The following PTPRK variants were observed in gnomAD, a reference collection of about 807,000 sequenced individuals.
PTPRK encodes the protein protein tyrosine phosphatase receptor type K, also known as receptor-type tyrosine-protein phosphatase kappa.
Under a neutral mutation model 178.0 loss-of-function variants are expected in PTPRK, and 75 were observed. That is an observed-to-expected ratio of 0.42 (90% CI 0.35 to 0.51). The LOEUF (loss-of-function observed/expected upper bound fraction) is 0.51. Among genes scored for constraint, PTPRK ranks in the 20% least tolerant of loss-of-function variants. PTPRK has a pLI of 0.02. For missense variants in PTPRK, 1,441 were observed against 1,797.8 expected, an observed-to-expected ratio of 0.80 and a Z score of 3.59; for synonymous variants, 637 against 620.6, an observed-to-expected ratio of 1.03 and a Z score of -0.39.
chr6:128,480,249 T>C (rs1178827201), intron 1 of PTPRK, among the ~76,000 whole-genome samples: 1 of 152,144 alleles, frequency 6.6e-6, no homozygotes, highest in Non-Finnish European at 1.5e-5. Flanking sequence ...GCGCTTGTTC[T>C]TCCAGATGCC....
chr6:128,293,617 C>T (rs1823771443), intron 3 of PTPRK, among the ~76,000 whole-genome samples: 1 of 152,076 alleles, frequency 6.6e-6, no homozygotes, highest in African/African-American at 2.4e-5. Context: ...CCAAACATCA[C>T]TTACCAGTAT....
chr6:128,376,226 C>T (rs1452828116), intron 2 of PTPRK, among the ~76,000 whole-genome samples: 1 of 152,218 alleles, frequency 6.6e-6, no homozygotes, highest in Non-Finnish European at 1.5e-5. Flanking sequence ...GGCCCCACCC[C>T]TTCAGCAAAC....
At chr6:128,455,952 T>C (rs1377784221) in intron 1 of PTPRK, among the ~76,000 whole-genome samples, 1 of 152,090 alleles carries the variant, frequency 6.6e-6, no homozygotes, top group South Asian at 2.1e-4. Context: ...AGCCATATAA[T>C]CTACAATGTG....
chr6:128,206,417 A>AG (rs1379753208), intron 6 of PTPRK, among the ~76,000 whole-genome samples: 1 of 151,406 alleles, frequency 6.6e-6, no homozygotes, highest in Non-Finnish European at 1.5e-5. Flanking sequence ...AAAAAAAAAA[A>AG]AAAAAAAAAT....
chr6:128,171,495 CT>C (rs1262162469), intron 7 of PTPRK, among the ~76,000 whole-genome samples: 4 of 151,982 alleles, frequency 2.6e-5, no homozygotes, highest in African/African-American at 9.7e-5. Flanking sequence ...ACTCCAGACT[CT>C]TTAAGTACCA....
chr6:127,992,711 T>A lies in PTPRK; in HGVS notation c.2845-2A>T. 6.3e-7 allele frequency: 1 copy of A among 1,575,882 alleles called. No homozygotes were observed. On this transcript the variant is annotated splice_acceptor_variant, in intron 18 of 29. Transcript: ENST00000368226. LOFTEE classifies it high-confidence loss of function. ...GTAATGACTTGGTCTCTGGTAGCCC[T>A]AAAATAAGAGAACAAATTAGTTATC...
chr6:128,386,247 T>C (rs115288609), intron 2 of PTPRK, among the ~76,000 whole-genome samples: 9 of 152,324 alleles, frequency 5.9e-5, no homozygotes, highest in African/African-American at 2.2e-4. Flanking sequence ...AGAATATAGT[T>C]TGACAAATCA....
intron 1 of PTPRK, among the ~76,000 whole-genome samples, chr6:128,422,670 C>T (rs1197902018): frequency 1.2e-5 from 1 of 82,604 alleles, no homozygotes; most frequent in Non-Finnish European, 2.1e-5. Flanking sequence ...TAACATTTCA[C>T]GGACGCAAAA....
At chr6:128,134,848 C>T (rs930394824) in intron 7 of PTPRK, among the ~76,000 whole-genome samples, 1 of 151,986 alleles carries the variant, frequency 6.6e-6, no homozygotes, top group African/African-American at 2.4e-5. Flanking sequence ...AATCAGTAGA[C>T]TTTGAGTTAA....
At chr6:128,263,153 T>C (rs2128294125) in intron 3 of PTPRK, among the ~76,000 whole-genome samples, 1 of 152,160 alleles carries the variant, frequency 6.6e-6, no homozygotes, top group Non-Finnish European at 1.5e-5. Context: ...AAGACTGGGG[T>C]GCCTATGAGA....
chr6:128,485,010 C>T (rs1464393163), intron 1 of PTPRK, among the ~76,000 whole-genome samples: 1 of 152,134 alleles, frequency 6.6e-6, no homozygotes, highest in Non-Finnish European at 1.5e-5. Flanking sequence ...AGACTGAGGT[C>T]TCTGAACCCA....
At chr6:127,972,252 AATG>A (rs1201146877) in intron 29 of PTPRK, among the ~76,000 whole-genome samples, 7 of 152,216 alleles carry the variant, frequency 4.6e-5, no homozygotes, top group African/African-American at 1.7e-4. Context: ...GGCAAGCAAC[AATG>A]ATGCCTTGGT....
intron 11 of PTPRK, among the ~76,000 whole-genome samples, chr6:128,072,502 T>G (rs529670647): frequency 2.0e-5 from 3 of 152,162 alleles, no homozygotes; most frequent in African/African-American, 7.2e-5. Context: ...TCTCATGTAT[T>G]ACATATCACT....
intron 6 of PTPRK, among the ~76,000 whole-genome samples, chr6:128,188,492 C>T (rs1803152955): frequency 6.6e-6 from 1 of 152,010 alleles, no homozygotes; most frequent in Non-Finnish European, 1.5e-5. Flanking sequence ...AATTAAATAC[C>T]TCTCAATCCT....
At chr6:128,238,276 C>A in intron 5 of PTPRK, 1 of 364,174 alleles carries the variant, frequency 2.7e-6, no homozygotes. Context: ...TACCTCTCAT[C>A]TTTGCTACAA....
chr6:128,359,443 T>C (rs903397205), intron 2 of PTPRK, among the ~76,000 whole-genome samples: 2 of 151,834 alleles, frequency 1.3e-5, no homozygotes, highest in African/African-American at 2.4e-5. Context: ...TATCTGTTTG[T>C]TTTTGTAGTT....
At chr6:128,003,376 T>C in intron 15 of PTPRK, 2 of 810,064 alleles carry the variant, frequency 2.5e-6, no homozygotes, top group South Asian at 3.7e-5. Flanking sequence ...AATGTAAAAT[T>C]TTCTCTCTCA....
intron 1 of PTPRK, among the ~76,000 whole-genome samples, chr6:128,455,540 G>A (rs78937108): frequency 0.03 from 4,550 of 152,188 alleles, 94 homozygotes; most frequent in South Asian, 0.041. Flanking sequence ...CTATATATGA[G>A]CTCAGAAGCA....
At chr6:128,281,110 A>T (rs147186346) in intron 3 of PTPRK, among the ~76,000 whole-genome samples, 29 of 152,280 alleles carry the variant, frequency 1.9e-4, no homozygotes, top group African/African-American at 4.8e-4. Flanking sequence ...ACATCAGTAC[A>T]GAAAGGCAGT....
Sources: gnomAD v4.1 joint callset for allele counts (sites outside exome capture counted in the v4.1 genomes callset) on GRCh38, gnomAD v4.1.1 for gene constraint, MANE v1.5 for transcripts, NCBI Gene and HGNC (gene_info 2026-07-23, HGNC 2026-07-21) for gene names.